The following NKAIN2 variants were observed in gnomAD, a reference collection of about 807,000 sequenced individuals.
NKAIN2 encodes sodium/potassium-transporting ATPase subunit beta-1-interacting protein 2.
A neutral mutation model predicts 32.6 loss-of-function variants in NKAIN2; 14 were observed. That is an observed-to-expected ratio of 0.43 (90% confidence interval 0.28 to 0.67). The LOEUF is 0.67. Ranked by LOEUF, NKAIN2 falls within the 30% of genes least tolerant of loss-of-function variation. The pLI is 0.17. For synonymous variants in NKAIN2, 80 were observed against 87.2 expected (o/e 0.92, Z 0.46); for missense variants, 198 against 258.3 (o/e 0.77, Z 1.60).
At chr6:124,182,113 A>AC (rs1470735408) in intron 1 of NKAIN2, among the ~76,000 whole-genome samples, 3 of 152,194 alleles carry the variant, frequency 2.0e-5, no homozygotes, top group African/African-American at 7.2e-5. Flanking sequence ...GGCATGTCTT[A>AC]CTTGGCAGCA....
intron 1 of NKAIN2, among the ~76,000 whole-genome samples, chr6:124,167,202 G>A (rs1788596435): frequency 6.7e-6 from 1 of 150,306 alleles, no homozygotes; most frequent in South Asian, 2.1e-4. Context: ...CTTGAGCAGT[G>A]GTTTGTAGTT....
At chr6:123,979,522 A>G (rs577419222) in intron 1 of NKAIN2, among the ~76,000 whole-genome samples, 3 of 152,274 alleles carry the variant, frequency 2.0e-5, no homozygotes, top group Non-Finnish European at 4.4e-5. Context: ...TTCCCTGTTA[A>G]TGCAACAGTT....
chr6:124,295,716 T>C (rs1184169167), intron 2 of NKAIN2, among the ~76,000 whole-genome samples: 2 of 152,182 alleles, frequency 1.3e-5, no homozygotes, highest in African/African-American at 4.8e-5. Context: ...ACAGAACATT[T>C]CTTTCAGATA....
chr6:124,631,078 GTCAT>G (rs1287291730), intron 3 of NKAIN2, among the ~76,000 whole-genome samples: 3 of 152,120 alleles, frequency 2.0e-5, no homozygotes, highest in African/African-American at 7.2e-5. Context: ...GTAAATTTGA[GTCAT>G]TCCTTTGGTT....
chr6:124,074,142 C>T (rs77843495), intron 1 of NKAIN2, among the ~76,000 whole-genome samples: 6,832 of 152,172 alleles, frequency 0.045, 178 homozygotes, highest in East Asian at 0.15. Flanking sequence ...TCACACAGGA[C>T]ATGCCTAATT....
At chr6:124,575,540 CCA>C (rs1283337033) in intron 3 of NKAIN2, among the ~76,000 whole-genome samples, 5 of 152,186 alleles carry the variant, frequency 3.3e-5, no homozygotes, top group African/African-American at 1.2e-4. Context: ...CAAATTTCTG[CCA>C]CCCTGCTTCT....
intron 3 of NKAIN2, among the ~76,000 whole-genome samples, chr6:124,609,591 C>G (rs943230607): frequency 2.0e-5 from 3 of 152,066 alleles, no homozygotes; most frequent in South Asian, 2.1e-4. Context: ...ATCGATGTGT[C>G]TCCCACTCTG....
chr6:124,791,521 C>T (rs1188773926), intron 5 of NKAIN2, 122 bp downstream of exon 5: 4 of 550,946 alleles, frequency 7.3e-6, no homozygotes, highest in Non-Finnish European at 1.3e-5. Flanking sequence ...GGAAAATAAG[C>T]CTTTTGTGCC....
chr6:123,900,927 T>A (rs1192320850), intron 1 of NKAIN2, among the ~76,000 whole-genome samples: 2 of 152,160 alleles, frequency 1.3e-5, no homozygotes, highest in African/African-American at 2.4e-5. Flanking sequence ...CAGTGTTTAC[T>A]TTTGCATTTG....
rs151287994 is a variant in NKAIN2, at chr6:124,215,975, G to A, written c.55-67030G>A. On this transcript the variant is annotated intron_variant, in intron 1 of 6. Coordinates refer to ENST00000368417, the MANE Select transcript of NKAIN2 (RefSeq NM_001040214.3). ...TCTACTAAAAATACAAAAATTAGCC[G>A]GGCCTGGTGACAAGCGCCTGTAATC... Among the ~76,000 whole-genome samples the A allele has an allele frequency of 2.8e-3, 419 of 151,884 alleles. 12 individuals carry two copies. The East Asian group carries it at 0.072, about 26-fold the overall frequency.
intron 1 of NKAIN2, among the ~76,000 whole-genome samples, chr6:124,022,676 G>A (rs559258960): frequency 9.3e-4 from 142 of 152,126 alleles, no homozygotes; most frequent in Non-Finnish European, 1.6e-3. Flanking sequence ...GGTTAGAAAA[G>A]CCAAATTCAG....
At chr6:124,566,909 G>A (rs779905264) in intron 3 of NKAIN2, among the ~76,000 whole-genome samples, 1 of 152,140 alleles carries the variant, frequency 6.6e-6, no homozygotes, top group Non-Finnish European at 1.5e-5. Flanking sequence ...AGAAAGAAAA[G>A]AGAATGTCCA....
chr6:124,337,794 T>C (rs1418979059), intron 2 of NKAIN2, among the ~76,000 whole-genome samples: 5 of 152,216 alleles, frequency 3.3e-5, no homozygotes, highest in African/African-American at 9.6e-5. Context: ...AGAAATTGTG[T>C]ACTATATATG....
intron 1 of NKAIN2, among the ~76,000 whole-genome samples, chr6:124,125,257 TTGCA>T (rs1415272282): frequency 1.3e-5 from 2 of 152,224 alleles, no homozygotes; most frequent in African/African-American, 2.4e-5. Context: ...CTCTGGGGGC[TTGCA>T]TGTATAAACA....
chr6:124,695,111 T>G, intron 4 of NKAIN2, among the ~76,000 whole-genome samples: 1 of 152,006 alleles, frequency 6.6e-6, no homozygotes, highest in Non-Finnish European at 1.5e-5. Context: ...TTGCTTCTTT[T>G]AATGTCTTCA....
At chr6:124,596,176 C>T (rs1030079388) in intron 3 of NKAIN2, among the ~76,000 whole-genome samples, 5 of 152,062 alleles carry the variant, frequency 3.3e-5, no homozygotes, top group Admixed American at 6.6e-5. Flanking sequence ...CAGGGTCTGC[C>T]GAGGTACTGT....
intron 1 of NKAIN2, among the ~76,000 whole-genome samples, chr6:124,139,687 A>G (rs1386587078): frequency 6.6e-6 from 1 of 152,160 alleles, no homozygotes. Context: ...TTATATTAAA[A>G]TATTCTCCTA....
intron 1 of NKAIN2, among the ~76,000 whole-genome samples, chr6:123,832,370 C>A (rs1774423210): frequency 6.6e-6 from 1 of 152,134 alleles, no homozygotes; most frequent in African/African-American, 2.4e-5. Context: ...TATCCATTCA[C>A]CCAATGAAGG....
intron 1 of NKAIN2, among the ~76,000 whole-genome samples, chr6:123,839,889 T>G (rs1249115147): frequency 6.6e-6 from 1 of 152,112 alleles, no homozygotes; most frequent in Non-Finnish European, 1.5e-5. Context: ...GAAAACATGC[T>G]TCAAATGTCA....
Sources: gnomAD v4.1 joint callset for allele counts (sites outside exome capture counted in the v4.1 genomes callset) on GRCh38, gnomAD v4.1.1 for gene constraint, MANE v1.5 for transcripts, NCBI Gene and HGNC (gene_info 2026-07-23, HGNC 2026-07-21) for gene names.